Variants in STK11IP observed in about 807,000 individuals in gnomAD.
STK11IP encodes serine/threonine kinase 11 interacting protein.
A neutral mutation model predicts 131.7 loss-of-function variants in STK11IP; 103 were observed. The ratio of observed to expected loss-of-function variants is 0.78; its 90% CI spans 0.67 to 0.92. The LOEUF (loss-of-function observed/expected upper bound fraction) is 0.92. STK11IP is among the 40% of genes least tolerant of loss of function. STK11IP has a pLI of 0.00. For synonymous variants in STK11IP, 557 were observed against 575.6 expected (o/e 0.97, Z 0.46); for missense variants, 1,315 against 1,385.7 (o/e 0.95, Z 0.81).
Position 219,616,410 on chromosome 2 carries a change from G to C in STK11IP, c.*217G>C. ...CCTGGTCAGGAGGAATATTTTTCCT[G>C]CACTTTTTCTCAGGTATCAATAAAG... On this transcript the variant is annotated 3_prime_UTR_variant, in exon 25 of 25. Transcript: ENST00000456909. The C allele has an allele frequency of 5.4e-6, 3 of 560,332 alleles. No individual in the cohort carries two copies. The East Asian group carries it at 8.8e-5, about 16-fold the overall frequency. The allele number at this position is 560,332 out of a possible 1,614,324, so 34.7% of individuals were successfully genotyped here.
intron 8 of STK11IP, 99 bp downstream of exon 8, chr2:219,605,833 C>A (rs1188941185): frequency 1.3e-6 from 2 of 1,504,422 alleles, no homozygotes; most frequent in Admixed American, 2.0e-5. Flanking sequence ...CTTGAGAGGG[C>A]TTATGGGGAG....
At position 219,602,484 on chromosome 2, in the gene STK11IP, G is replaced by A; in HGVS notation, c.455G>A (p.Cys152Tyr). 6.2e-7 allele frequency: 1 copy of A among 1,613,830 alleles called. No homozygotes were observed. The highest frequency in any genetic ancestry group is 8.5e-7 in the Non-Finnish European group (1 of 1,179,812). Residue 152 changes from cysteine (C) to tyrosine (Y), a missense_variant, in exon 6 of 25, where the codon TGC becomes TAC. Physicochemically the swap from Cys to Tyr is radical, Grantham distance 194 (BLOSUM62 -2). Transcript: ENST00000456909. ...LQALEELLSA[C>Y]GGDFCSALPW... The stretch of plus-strand genomic sequence containing the variant: ...TCTGCTCAGGAGCTCCTCTCAGCCT[G>A]CGGCGGCGACTTCTGCTCTGCCCTC...
chr2:219,609,419 G>T lies in STK11IP; in HGVS notation c.1983G>T (p.Glu661Asp), dbSNP rs1286719614. The T allele has an allele frequency of 2.5e-6, 4 of 1,613,376 alleles. No homozygotes were observed. The highest frequency in any genetic ancestry group is 1.7e-4 in the Middle Eastern group (1 of 6,058). ...VTNVAREQLGEARDLLLGRFQ... is the reference protein window; with the variant it reads ...VTNVAREQLGDARDLLLGRFQ... ...ATGTGGCTCGGGAACAGCTTGGGGA[G>T]GCCAGGGACCTCCTGCTGGGTAGAT... The change falls in exon 17 of 25, where the codon GAG becomes GAT. Residue 661 changes from glutamate (E) to aspartate (D), a missense_variant. Coordinates refer to ENST00000456909, the MANE Select transcript of STK11IP (RefSeq NM_052902.4).
chr2:219,601,550 C>T lies in STK11IP; in HGVS notation c.268-91C>T, dbSNP rs111673758. The stretch of plus-strand genomic sequence containing the variant: ...TGCAGTGCCAGGATCCAGAGGGTGT[C>T]AGAGGTACCAGTGGTTGTGCTAAGG... On this transcript the variant is annotated intron_variant, in intron 3 of 24. Transcript: ENST00000456909. 2,927 of 1,552,436 alleles carry T rather than the reference C, an allele frequency of 1.9e-3. 28 individuals carry two copies. The African/African-American group carries it at 0.025, about 13-fold the overall frequency.
chr2:219,610,433 C>T (rs1237945623), intron 17 of STK11IP, among the ~76,000 whole-genome samples: 1 of 151,464 alleles, frequency 6.6e-6, no homozygotes, highest in Non-Finnish European at 1.5e-5. Flanking sequence ...GACGGAGTCT[C>T]GCTCTGTTGC....
chr2:219,615,300 C>T lies in STK11IP; in HGVS notation c.3076C>T (p.Arg1026Cys), dbSNP rs373635749. 1.4e-5 allele frequency: 22 copies of T among 1,602,448 alleles called. No individual in the cohort carries two copies. Among genetic ancestry groups the T allele is most frequent in the South Asian group, 7.7e-5 (7 of 90,674 alleles). The change falls in exon 24 of 25, where the codon CGC (arginine) becomes TGC (cysteine). Residue 1026 changes from arginine to cysteine, a missense_variant. By Grantham distance (180) the Arg-to-Cys change is radical. Transcript: ENST00000456909. ...CAGCCTGAGCTCCGTGCTGCTCTAC[C>T]GCTCAGCCCCTGAGGACTTGCGGCT... ...LSSLSSVLLY[R>C]SAPEDLRLLF...
At position 219,608,044 on chromosome 2, in the gene STK11IP, T is replaced by C. The variant is rs1698251455; in HGVS notation, c.1220-3T>C. 4 of 1,610,614 alleles carry C rather than the reference T, an allele frequency of 2.5e-6. No individual in the cohort carries two copies. The highest frequency in any genetic ancestry group is 3.4e-6 in the Non-Finnish European group (4 of 1,179,084). ...CTCAGTTCTGGGTTCCCCTCCTGCC[T>C]AGGATGGTTCGTGCAGCAGCACCCG... On this transcript the variant is annotated splice_polypyrimidine_tract_variant and splice_region_variant and intron_variant, in intron 13 of 24. Coordinates refer to ENST00000456909, the MANE Select transcript of STK11IP (RefSeq NM_052902.4).
chr2:219,614,356 C>T, intron 22 of STK11IP, 114 bp downstream of exon 22: 1 of 1,506,954 alleles, frequency 6.6e-7, no homozygotes, highest in Non-Finnish European at 9.2e-7. Flanking sequence ...TCATGCCATG[C>T]CCCTTATGGG....
Position 219,609,641 on chromosome 2 carries a change from G to C in STK11IP, c.2104+101G>C, listed in dbSNP as rs933158225. 4 of 1,364,736 alleles carry C rather than the reference G, an allele frequency of 2.9e-6. No individual in the cohort carries two copies. In the African/African-American group the frequency reaches 5.8e-5, roughly 20 times the overall value. 84.5% of individuals were successfully genotyped at this position (1,364,736 alleles called of 1,614,324 possible). On this transcript the variant is annotated intron_variant, in intron 17 of 24. Coordinates refer to ENST00000456909, the MANE Select transcript of STK11IP (RefSeq NM_052902.4). The stretch of plus-strand genomic sequence containing the variant: ...GTGAAGGGGGAGCCCTAGGGAGAAG[G>C]GGCTAGAGTGGAGAGCAGTTGTTCT...
rs938657969 is a variant in STK11IP, at chr2:219,608,808, G to A, written c.1809+20G>A. On this transcript the variant is annotated intron_variant, in intron 15 of 24. Coordinates refer to ENST00000456909, the MANE Select transcript of STK11IP (RefSeq NM_052902.4). Reference sequence around the variant, plus strand: ...CCCACGGTGAGTGGGGCGTGGCAGGGTCTCTGGAGGAGCCAGTTATGGGAA... The same window carrying A: ...CCCACGGTGAGTGGGGCGTGGCAGGATCTCTGGAGGAGCCAGTTATGGGAA... 6.4e-7 allele frequency: 1 copy of A among 1,571,674 alleles called. No individual in the cohort carries two copies. The highest frequency in any genetic ancestry group is 8.6e-7 in the Non-Finnish European group (1 of 1,160,098).
chr2:219,615,840 C>G, intron 24 of STK11IP: 2 of 750,738 alleles, frequency 2.7e-6, no homozygotes, highest in Non-Finnish European at 4.8e-6. Flanking sequence ...AAGACAGGTC[C>G]TCTGGAGGCT....
At position 219,602,126 on chromosome 2, in the gene STK11IP, G is replaced by T; in HGVS notation, c.438+43G>T. 1.4e-6 allele frequency: 2 copies of T among 1,418,730 alleles called. 1 individual carries two copies. Among genetic ancestry groups the T allele is most frequent in the South Asian group, 2.4e-5 (2 of 81,976 alleles). 87.9% of individuals were successfully genotyped at this position (1,418,730 alleles called of 1,614,324 possible). On this transcript the variant is annotated intron_variant, in intron 5 of 24. Transcript: ENST00000456909. The stretch of plus-strand genomic sequence containing the variant: ...TGAGCTCAGACACCTCAACTTGAGA[G>T]ATGTAGAAGACCAAGCTCTGATGTT...
At chr2:219,613,088 G>T (rs376724886) in intron 19 of STK11IP, 40 bp from the exon 20 acceptor site, 68 of 1,561,868 alleles carry the variant, frequency 4.4e-5, no homozygotes, top group Non-Finnish European at 5.7e-5. Context: ...ACCTCCCCAG[G>T]CCTCTCATCA....
Position 219,606,700 on chromosome 2 carries a change from G to A in STK11IP, c.988-12G>A, listed in dbSNP as rs138339799. The A allele has an allele frequency of 9.4e-6, 15 of 1,603,222 alleles. No individual in the cohort carries two copies. The highest frequency in any genetic ancestry group is 3.3e-4 in the Middle Eastern group (2 of 6,018). ...CTCCAACCTCTCTCTCCTTCCTGTCGTCACGTGCCAGACTCACACATCCTT... is the reference window on the plus strand; with the variant it reads ...CTCCAACCTCTCTCTCCTTCCTGTCATCACGTGCCAGACTCACACATCCTT... On this transcript the variant is annotated splice_polypyrimidine_tract_variant and intron_variant, in intron 11 of 24. Coordinates refer to ENST00000456909, the MANE Select transcript of STK11IP (RefSeq NM_052902.4).
At position 219,598,146 on chromosome 2, in the gene STK11IP, G is replaced by C; in HGVS notation, c.27G>C (p.Leu9=). 1 of 1,585,982 alleles carries C rather than the reference G, an allele frequency of 6.3e-7. No individual in the cohort carries two copies. Among genetic ancestry groups the C allele is most frequent in the Non-Finnish European group, 8.6e-7 (1 of 1,166,266 alleles). MTTAQRDS[L]LWKLAGLLRE... ...TGACGACCGCTCAGAGGGACTCCCT[G>C]TTGTGGAAGCTCGCGGGGTTGCTGC... The change falls in exon 2 of 25, where the codon CTG becomes CTC. Residue 9 remains leucine (L), a synonymous_variant. Transcript: ENST00000456909.
At chr2:219,611,538 T>C in intron 17 of STK11IP, 66 bp from the exon 18 acceptor site, 1 of 1,342,148 alleles carries the variant, frequency 7.5e-7, no homozygotes, top group Non-Finnish European at 1.1e-6. Context: ...AGGAGCATCG[T>C]GAGCATGGTG....
At chr2:219,600,392 A>C (rs56902331) in intron 2 of STK11IP, among the ~76,000 whole-genome samples, 12,683 of 152,184 alleles carry the variant, frequency 0.083, 1,748 homozygotes, top group African/African-American at 0.29. Flanking sequence ...AGCCACGGCA[A>C]CCAGCTCAGT....
At chr2:219,606,938 G>A (rs774460726) in intron 12 of STK11IP, 80 bp downstream of exon 12, 63 of 1,588,644 alleles carry the variant, frequency 4.0e-5, no homozygotes, top group Non-Finnish European at 5.3e-5. Flanking sequence ...GCAGGGAATG[G>A]TAGGAACTGT....
intron 2 of STK11IP, among the ~76,000 whole-genome samples, chr2:219,599,239 C>T (rs1177665389): frequency 2.0e-5 from 3 of 152,122 alleles, no homozygotes; most frequent in Admixed American, 6.5e-5. Context: ...CAGGTGTGCA[C>T]CACCATGACC....
Sources: gnomAD v4.1 joint callset for allele counts (sites outside exome capture counted in the v4.1 genomes callset) on GRCh38, gnomAD v4.1.1 for gene constraint, MANE v1.5 for transcripts, NCBI Gene and HGNC (gene_info 2026-07-23, HGNC 2026-07-21) for gene names.